MCM9: variants seen among roughly 807,000 people sequenced by gnomAD.
The protein encoded by MCM9 is DNA helicase MCM9.
Under a neutral mutation model 72.8 loss-of-function variants are expected in MCM9, and 55 were observed. That is an observed-to-expected ratio of 0.76 (90% CI 0.61 to 0.95). MCM9 has a LOEUF of 0.95. Among genes scored for constraint, MCM9 ranks in the 40% least tolerant of loss-of-function variants. The pLI is 0.00. For synonymous variants in MCM9, 480 were observed against 503.4 expected (o/e 0.95, Z 0.62); for missense variants, 1,279 against 1,377.0 (o/e 0.93, Z 1.13).
chr6:118,913,895 G>A (rs1189244563), intron 6 of MCM9, among the ~76,000 whole-genome samples: 1 of 152,000 alleles, frequency 6.6e-6, no homozygotes. Flanking sequence ...ACTCATGAGT[G>A]GTATGAGCCA....
chr6:118,891,986 G>A (rs142511303), intron 8 of MCM9, among the ~76,000 whole-genome samples: 8,793 of 152,270 alleles, frequency 0.058, 370 homozygotes, highest in East Asian at 0.19. Flanking sequence ...AGTCACCAAA[G>A]TTGTTCAGCA....
intron 1 of MCM9, among the ~76,000 whole-genome samples, chr6:118,933,481 G>A (rs62422265): frequency 0.58 from 87,219 of 150,300 alleles, 25,878 homozygotes; most frequent in East Asian, 0.69. Flanking sequence ...ACTCCAGCCC[G>A]GGCACAGAGC....
chr6:118,821,579 G>C (rs1773813402), intron 13 of MCM9, among the ~76,000 whole-genome samples: 1 of 152,140 alleles, frequency 6.6e-6, no homozygotes, highest in Admixed American at 6.5e-5. Flanking sequence ...CAACCTTGGT[G>C]AATCAGATGA....
In MCM9 at chr6:118,814,603, A is replaced by C; in HGVS notation, c.*221T>G. 1 of 393,466 alleles carries C rather than the reference A, an allele frequency of 2.5e-6. No homozygotes were observed. The highest frequency in any genetic ancestry group is 4.5e-6 in the Non-Finnish European group (1 of 223,170). 24.4% of individuals were successfully genotyped at this position (393,466 alleles called of 1,614,324 possible). ...TGTAAAATTAAGCACAACATAATTA[A>C]TTCAGCTCAGCTGCTGGTATCACAC... On this transcript the variant is annotated 3_prime_UTR_variant, in exon 14 of 14. Transcript: ENST00000619706.
chr6:118,843,708 GTA>G (rs1562407294), intron 9 of MCM9, among the ~76,000 whole-genome samples: 2 of 59,152 alleles, frequency 3.4e-5, no homozygotes, highest in African/African-American at 9.1e-5. Flanking sequence ...ATATATGTAT[GTA>G]TATATATATG....
intron 8 of MCM9, among the ~76,000 whole-genome samples, chr6:118,862,365 C>T (rs908994290): frequency 3.3e-5 from 5 of 152,196 alleles, no homozygotes; most frequent in African/African-American, 1.2e-4. Context: ...CTGGCATCCC[C>T]TCAGCAGTTG....
At chr6:118,893,958 C>CT in intron 8 of MCM9, 4 of 957,716 alleles carry the variant, frequency 4.2e-6, no homozygotes, top group Non-Finnish European at 5.0e-6. Context: ...GCGGCCACGC[C>CT]CCCTCCGCCC....
chr6:118,929,203 G>C (rs1290486323), intron 3 of MCM9, among the ~76,000 whole-genome samples: 1 of 152,224 alleles, frequency 6.6e-6, no homozygotes, highest in Non-Finnish European at 1.5e-5. Flanking sequence ...CTGGACAACA[G>C]AGCAAGACTC....
Position 118,826,204 on chromosome 6 carries a change from A to T in MCM9, c.1904T>A (p.Ile635Asn). ...GCTCTGCAGCTCTAGCTTTTCCAGA[A>T]TAAGTTCACACTGTCTCTGGTACTG... ...GEQYQRQCEL[I>N]LEKLELQSLL... Residue 635 changes from isoleucine (I) to asparagine (N), a missense_variant, in exon 13 of 14, where the codon ATT becomes AAT. Transcript: ENST00000619706. The T allele has an allele frequency of 1.3e-6, 2 of 1,550,548 alleles. No homozygotes were observed. The highest frequency in any genetic ancestry group is 1.7e-6 in the Non-Finnish European group (2 of 1,146,948).
intron 8 of MCM9, among the ~76,000 whole-genome samples, chr6:118,864,618 G>A (rs544040177): frequency 4.5e-4 from 69 of 152,244 alleles, no homozygotes; most frequent in African/African-American, 1.6e-3. Context: ...CCCTGCCTTA[G>A]ACACTGCTCC....
intron 8 of MCM9, chr6:118,907,871 C>T (rs1780281022): frequency 3.0e-6 from 1 of 328,134 alleles, no homozygotes; most frequent in Non-Finnish European, 5.6e-6. Context: ...TTATTTTCTT[C>T]TCCTTTATAT....
chr6:118,931,466 C>G lies in MCM9; in HGVS notation c.258G>C (p.Gln86His). Residue 86 changes from glutamine to histidine, a missense_variant, in exon 3 of 14, where the codon CAG becomes CAC. By Grantham distance (24) the Gln-to-His change is conservative. Transcript: ENST00000619706. Reference sequence around the variant, plus strand: ...TCTGTTTCATGGAAACAGCCTCAGGCTGAGAAAGGGACTGGAGAATTGTCA... The same window carrying G: ...TCTGTTTCATGGAAACAGCCTCAGGGTGAGAAAGGGACTGGAGAATTGTCA... ...SALTILQSLS[Q>H]PEAVSMKQNL... The G allele has an allele frequency of 1.2e-6, 2 of 1,613,942 alleles. No individual in the cohort carries two copies. The highest frequency in any genetic ancestry group is 1.7e-6 in the Non-Finnish European group (2 of 1,179,838).
intron 8 of MCM9, among the ~76,000 whole-genome samples, chr6:118,888,639 G>A (rs1778753032): frequency 6.6e-6 from 1 of 152,232 alleles, no homozygotes; most frequent in South Asian, 2.1e-4. Flanking sequence ...TATGTTAATA[G>A]CAGCATTTTG....
At chr6:118,929,827 TG>T (rs1366381580) in intron 3 of MCM9, among the ~76,000 whole-genome samples, 5 of 152,004 alleles carry the variant, frequency 3.3e-5, no homozygotes, top group Admixed American at 6.6e-5. Context: ...AAAAGGCTGA[TG>T]GGGGGGACCC....
rs747476181 is a variant in MCM9, at chr6:118,924,029, G to T, written c.403C>A (p.Leu135Met). 10 of 1,614,038 alleles carry T rather than the reference G, an allele frequency of 6.2e-6. No individual in the cohort carries two copies. Among genetic ancestry groups the T allele is most frequent in the Non-Finnish European group, 8.5e-6 (10 of 1,180,038 alleles). The change falls in exon 4 of 14, where the codon CTG becomes ATG. Residue 135 changes from leucine (L) to methionine (M), a missense_variant. Coordinates refer to ENST00000619706, the MANE Select transcript of MCM9 (RefSeq NM_017696.3). The stretch of plus-strand genomic sequence containing the variant: ...CGCTCAAACTCCAGAACCTTCACCA[G>T]ACTTGTTCGAATCACTGTCCCAGTG... ...SVTGTVIRTS[L>M]VKVLEFERDY... is the part of the protein sequence containing the mutation.
intron 8 of MCM9, among the ~76,000 whole-genome samples, chr6:118,898,426 T>C (rs1779582552): frequency 1.2e-5 from 1 of 85,128 alleles, no homozygotes; most frequent in East Asian, 2.4e-4. Flanking sequence ...TATGTAATAA[T>C]TTTTTTTTTT....
At chr6:118,835,163 G>A (rs1774868853) in intron 9 of MCM9, among the ~76,000 whole-genome samples, 1 of 152,132 alleles carries the variant, frequency 6.6e-6, no homozygotes, top group Non-Finnish European at 1.5e-5. Flanking sequence ...GGTTGTAGAT[G>A]TGTGGGATTA....
chr6:118,888,464 G>A (rs1778740007), intron 8 of MCM9, among the ~76,000 whole-genome samples: 1 of 152,170 alleles, frequency 6.6e-6, no homozygotes. Context: ...TCCAGCCTGG[G>A]TGACAGAGTG....
At chr6:118,865,846 C>T (rs1334840497) in intron 8 of MCM9, among the ~76,000 whole-genome samples, 1 of 67,880 alleles carries the variant, frequency 1.5e-5, no homozygotes, top group Non-Finnish European at 4.0e-5. Flanking sequence ...GGTCCTAGAT[C>T]CAAGAAAAAA....
Sources: allele counts gnomAD v4.1 joint callset (sites outside exome capture counted in the v4.1 genomes callset), GRCh38; gene constraint gnomAD v4.1.1; transcripts MANE v1.5; gene names NCBI Gene and HGNC (gene_info 2026-07-23, HGNC 2026-07-21).